Variants in NAV3 observed in about 807,000 individuals in gnomAD.
The protein encoded by NAV3 is pore membrane and/or filament interacting like protein 1.
A neutral mutation model predicts 244.7 loss-of-function variants in NAV3; 87 were observed. The observed-to-expected ratio is 0.36, with a 90% CI of 0.30 to 0.42. The LOEUF (loss-of-function observed/expected upper bound fraction) is 0.42, where lower values mean the gene tolerates loss of function less well. NAV3 is among the 20% of genes least tolerant of loss of function. The probability of loss-of-function intolerance (pLI) is 1.00; values close to 1 mark genes in which losing one functional copy is unlikely to be tolerated. For missense variants in NAV3, 2,663 were observed against 2,893.3 expected (o/e 0.92, Z 1.83); for synonymous variants, 1,126 against 1,042.2 (o/e 1.08, Z -1.55).
Position 77,792,863 on chromosome 12 carries a change from C to T in NAV3, c.73-147456C>T, listed in dbSNP as rs150011030. On this transcript the variant is annotated intron_variant, in intron 2 of 8. Transcript: ENST00000550042. ...CACACTAATAGATGGGAGATTTGGC[C>T]AGTAAATAATCTGATCCCCCAATTA... 4.6e-3 allele frequency among the ~76,000 whole-genome samples: 698 copies of T among 152,176 alleles called. 5 individuals carry two copies. The highest frequency in any genetic ancestry group is 0.015 in the African/African-American group (643 of 41,504).
In NAV3 at chr12:77,849,452, TTG is replaced by T. The variant is rs542342210; in HGVS notation, c.243+17749_243+17750del. Reference sequence around the variant, plus strand: ...GAAATTCTCCAAAATCTGAAACTTTTTGGGTGCCAACATGACACCACACATGG... The same window carrying T: ...GAAATTCTCCAAAATCTGAAACTTTTGGTGCCAACATGACACCACACATGG... On this transcript the variant is annotated intron_variant, in intron 1 of 39. Transcript: ENST00000397909. 1.2e-3 allele frequency among the ~76,000 whole-genome samples: 185 copies of T among 152,272 alleles called. 1 individual carries two copies. The highest frequency in any genetic ancestry group is 3.4e-3 in the Middle Eastern group (1 of 294).
Position 77,805,326 on chromosome 12 carries a change from T to G in NAV3, c.73-134993T>G, listed in dbSNP as rs112565309. On this transcript the variant is annotated intron_variant, in intron 2 of 8. Coordinates refer to the NAV3 transcript ENST00000550042. Reference sequence around the variant, plus strand: ...GTTTGTCATAAACAGCTTTTATTAGTTTGAGATATGTTCCATCAATACCTA... The same window carrying G: ...GTTTGTCATAAACAGCTTTTATTAGGTTGAGATATGTTCCATCAATACCTA... Among the ~76,000 whole-genome samples the G allele has an allele frequency of 2.3e-3, 355 of 152,292 alleles. 4 individuals carry two copies. The highest frequency in any genetic ancestry group is 8.3e-3 in the African/African-American group (344 of 41,562).
intron 38 of NAV3, among the ~76,000 whole-genome samples, chr12:78,201,924 A>G (rs895713886): frequency 2.6e-5 from 4 of 151,860 alleles, no homozygotes; most frequent in African/African-American, 9.7e-5. Context: ...ATTGAATGGC[A>G]TGGCAGTATT....
At chr12:78,041,656 C>A (rs1880882684) in intron 9 of NAV3, among the ~76,000 whole-genome samples, 1 of 152,178 alleles carries the variant, frequency 6.6e-6, no homozygotes, top group Admixed American at 6.5e-5. Flanking sequence ...CAGGCAGAGG[C>A]AGATGGCCTT....
At chr12:78,024,227 T>C (rs1222818593) in intron 9 of NAV3, among the ~76,000 whole-genome samples, 1 of 152,176 alleles carries the variant, frequency 6.6e-6, no homozygotes, top group African/African-American at 2.4e-5. Flanking sequence ...TGCCTCTCTC[T>C]CACTTAATTG....
chr12:77,816,247 G>T (rs1045447120), intron 2 of NAV3, among the ~76,000 whole-genome samples: 2 of 152,180 alleles, frequency 1.3e-5, no homozygotes, highest in East Asian at 3.9e-4. Context: ...CATAGTTTCA[G>T]ACTTGTTCAA....
chr12:77,700,165 A>T (rs991836990), intron 2 of NAV3, among the ~76,000 whole-genome samples: 1 of 152,098 alleles, frequency 6.6e-6, no homozygotes, highest in Non-Finnish European at 1.5e-5. Context: ...ATTGATTAAC[A>T]CTCAGTCATC....
chr12:78,077,300 A>C (rs1045992856), intron 12 of NAV3, among the ~76,000 whole-genome samples: 2 of 152,220 alleles, frequency 1.3e-5, no homozygotes, highest in African/African-American at 4.8e-5. Flanking sequence ...ACTCAGCTTG[A>C]TTCTTATCTG....
chr12:77,591,111 T>C (rs189750592), intron 2 of NAV3, among the ~76,000 whole-genome samples: 1 of 152,318 alleles, frequency 6.6e-6, no homozygotes, highest in East Asian at 1.9e-4. Context: ...AAATAAAATA[T>C]ATGAGATAAA....
intron 39 of NAV3, among the ~76,000 whole-genome samples, chr12:78,206,229 T>C (rs1456602396): frequency 6.6e-6 from 1 of 152,178 alleles, no homozygotes; most frequent in African/African-American, 2.4e-5. Flanking sequence ...AGGCGATATC[T>C]TCCTTAAGAG....
intron 5 of NAV3, among the ~76,000 whole-genome samples, chr12:77,992,131 G>A (rs549285070): frequency 6.6e-6 from 1 of 152,108 alleles, no homozygotes; most frequent in Non-Finnish European, 1.5e-5. Context: ...TTTGACCTTT[G>A]CTTCCTTCAC....
chr12:78,159,926 T>C (rs1005551851), intron 23 of NAV3, among the ~76,000 whole-genome samples: 1 of 152,068 alleles, frequency 6.6e-6, no homozygotes, highest in Non-Finnish European at 1.5e-5. Flanking sequence ...GAATCACACT[T>C]TGATAAGAAC....
intron 9 of NAV3, among the ~76,000 whole-genome samples, chr12:78,034,438 G>T (rs1879510217): frequency 6.6e-6 from 1 of 152,190 alleles, no homozygotes; most frequent in Admixed American, 6.5e-5. Flanking sequence ...TGTGGCTGGG[G>T]CACAGCGAAC....
chr12:77,807,459 T>C (rs1387336116), intron 2 of NAV3, among the ~76,000 whole-genome samples: 1 of 152,224 alleles, frequency 6.6e-6, no homozygotes, highest in Admixed American at 6.5e-5. Context: ...GGATATGAAA[T>C]ACTGGGTTGA....
At chr12:77,848,794 A>G (rs115591967) in intron 1 of NAV3, among the ~76,000 whole-genome samples, 1,752 of 152,314 alleles carry the variant, frequency 0.012, 27 homozygotes, top group African/African-American at 0.04. Flanking sequence ...GGAACACTGA[A>G]TGATTTAAAT....
At chr12:77,718,345 A>G (rs952724142) in intron 2 of NAV3, among the ~76,000 whole-genome samples, 1 of 152,062 alleles carries the variant, frequency 6.6e-6, no homozygotes, top group Admixed American at 6.6e-5. Flanking sequence ...TTTCACCATT[A>G]TGTAGCCTTG....
At chr12:78,196,977 C>A (rs1257566250) in intron 34 of NAV3, among the ~76,000 whole-genome samples, 3 of 151,832 alleles carry the variant, frequency 2.0e-5, no homozygotes, top group African/African-American at 7.2e-5. Context: ...TAGAAATATG[C>A]CGTCATGTTT....
intron 2 of NAV3, among the ~76,000 whole-genome samples, chr12:77,697,224 C>A (rs1310936388): frequency 6.6e-6 from 1 of 152,118 alleles, no homozygotes; most frequent in Non-Finnish European, 1.5e-5. Flanking sequence ...CCTACCTTGG[C>A]CTGTAGATGC....
At chr12:77,707,616 AGATGCTT>A (rs771830885) in intron 2 of NAV3, among the ~76,000 whole-genome samples, 1 of 152,296 alleles carries the variant, frequency 6.6e-6, no homozygotes, top group South Asian at 2.1e-4. Flanking sequence ...TTCTAGTTCT[AGATGCTT>A]GAGGAATCAC....
Sources: gnomAD v4.1 joint callset for allele counts (sites outside exome capture counted in the v4.1 genomes callset) on GRCh38, gnomAD v4.1.1 for gene constraint, MANE v1.5 for transcripts, NCBI Gene and HGNC (gene_info 2026-07-23, HGNC 2026-07-21) for gene names.